The following TULP4 variants were observed in gnomAD, a reference collection of about 807,000 sequenced individuals.
The protein encoded by TULP4 is tubby-related protein 4.
TULP4 carries 16 observed loss-of-function variants against 129.0 expected under a neutral mutation model. That is an observed-to-expected ratio of 0.12 (90% CI 0.08 to 0.19). TULP4 has a LOEUF of 0.19. Among genes scored for constraint, TULP4 ranks in the 10% least tolerant of loss-of-function variants. TULP4 has a pLI of 1.00. For missense variants in TULP4, 1,842 were observed against 2,059.1 expected (o/e 0.89, Z 2.04); for synonymous variants, 998 against 854.0 (o/e 1.17, Z -2.94).
At chr6:158,249,247 T>C (rs1778092630) in intron 1 of TULP4, among the ~76,000 whole-genome samples, 1 of 152,152 alleles carries the variant, frequency 6.6e-6, no homozygotes. Flanking sequence ...AGAAACTCAG[T>C]CTTATGTTTC....
At chr6:158,279,682 T>TGAC (rs899003786), upstream of TULP4, among the ~76,000 whole-genome samples, 1 of 152,232 alleles carries the variant, frequency 6.6e-6, no homozygotes, top group African/African-American at 2.4e-5. Context: ...GCCAGCCATT[T>TGAC]GACGATAGCG....
chr6:158,241,362 C>T (rs1416238359), intron 1 of TULP4, among the ~76,000 whole-genome samples: 3 of 134,984 alleles, frequency 2.2e-5, no homozygotes. Context: ...GCAGAGGCTG[C>T]AATCTCGGCA....
chr6:158,269,837 C>T (rs1253862568), intron 1 of TULP4, among the ~76,000 whole-genome samples: 1 of 152,308 alleles, frequency 6.6e-6, no homozygotes, highest in African/African-American at 2.4e-5. Context: ...AAAAGTTACC[C>T]AGTCAGGTGG....
chr6:158,261,507 G>C (rs4710168), intron 1 of TULP4, among the ~76,000 whole-genome samples: 49,986 of 152,068 alleles, frequency 0.33, 9,206 homozygotes, highest in Admixed American at 0.45. Flanking sequence ...TTGGGACCTG[G>C]TAAATGTCTT....
chr6:158,259,047 T>C (rs1292897211), intron 1 of TULP4, among the ~76,000 whole-genome samples: 1 of 152,112 alleles, frequency 6.6e-6, no homozygotes, highest in Non-Finnish European at 1.5e-5. Context: ...CTGGCCAATA[T>C]GGTGAAACCC....
chr6:158,445,465 G>A (rs868557019), intron 3 of TULP4, among the ~76,000 whole-genome samples: 1 of 152,200 alleles, frequency 6.6e-6, no homozygotes, highest in South Asian at 2.1e-4. Context: ...GGACAGAAAT[G>A]TATTTATATT....
chr6:158,449,406 C>T (rs1359992887), intron 4 of TULP4, among the ~76,000 whole-genome samples: 1 of 152,168 alleles, frequency 6.6e-6, no homozygotes, highest in Non-Finnish European at 1.5e-5. Flanking sequence ...GAATTGATTA[C>T]ACTTAATTCG....
chr6:158,415,459 C>G (rs1394907189), intron 2 of TULP4, among the ~76,000 whole-genome samples: 1 of 150,904 alleles, frequency 6.6e-6, no homozygotes, highest in Non-Finnish European at 1.5e-5. Context: ...ACGCCATTCT[C>G]CTGCTTCAGC....
intron 2 of TULP4, among the ~76,000 whole-genome samples, chr6:158,414,821 T>G (rs1008413851): frequency 2.6e-5 from 4 of 152,232 alleles, no homozygotes; most frequent in Non-Finnish European, 2.9e-5. Flanking sequence ...AAATGAGTGC[T>G]TGATTTTTTC....
intron 1 of TULP4, among the ~76,000 whole-genome samples, chr6:158,359,044 G>A (rs529160723): frequency 6.6e-6 from 1 of 152,242 alleles, no homozygotes; most frequent in South Asian, 2.1e-4. Flanking sequence ...TTCACTACAT[G>A]TTCTTTTATA....
chr6:158,388,992 T>G (rs1252491118), intron 1 of TULP4, among the ~76,000 whole-genome samples: 1 of 152,222 alleles, frequency 6.6e-6, no homozygotes, highest in African/African-American at 2.4e-5. Context: ...TCTCTCTGAT[T>G]CCTTGTCTGA....
At chr6:158,363,201 GCTGTGT>G (rs1251501245) in intron 1 of TULP4, among the ~76,000 whole-genome samples, 3 of 152,060 alleles carry the variant, frequency 2.0e-5, no homozygotes, top group Admixed American at 2.0e-4. Context: ...TCTCTTGCTG[GCTGTGT>G]GTACAGTGTT....
rs1396395210 is a variant in TULP4 at position 158,239,187 on chromosome 6, A to AC, written n.68+6892dup. Among the ~76,000 whole-genome samples, 53 of 69,494 alleles carry AC rather than the reference A, an allele frequency of 7.6e-4. 6 individuals are homozygous for AC. The highest frequency in any genetic ancestry group is 1.8e-3 in the African/African-American group (32 of 17,722). The allele number at this position is 69,494 out of a possible 152,430, so 45.6% of individuals were successfully genotyped here. A position where few individuals can be genotyped will look rare whatever the true frequency, so the allele number is the denominator to read the frequency against. On this transcript the variant is annotated intron_variant and non_coding_transcript_variant, in intron 1 of 1. Coordinates refer to the TULP4 transcript ENST00000620026. ...AGGCGGCTGGCCGGGCGGGGGGCTG[A>AC]CCCCCCCCACCTCCCTCCCGGACGG...
chr6:158,291,399 G>A (rs1349365317), intron 1 of TULP4, among the ~76,000 whole-genome samples: 1 of 152,154 alleles, frequency 6.6e-6, no homozygotes, highest in African/African-American at 2.4e-5. Context: ...CTGTTGAGAT[G>A]TCTCTGTCAT....
intron 9 of TULP4, among the ~76,000 whole-genome samples, chr6:158,490,016 TTA>T (rs1163129520): frequency 6.6e-6 from 1 of 152,310 alleles, no homozygotes; most frequent in East Asian, 1.9e-4. Flanking sequence ...GTTCCCGGGC[TTA>T]TATGTTTTTT....
intron 1 of TULP4, among the ~76,000 whole-genome samples, chr6:158,345,364 T>G (rs1009907083): frequency 2.0e-5 from 3 of 152,228 alleles, no homozygotes; most frequent in African/African-American, 7.2e-5. Context: ...ACTCCTGGCC[T>G]CAGGCTATCC....
chr6:158,267,587 A>G (rs1332989085), intron 1 of TULP4, among the ~76,000 whole-genome samples: 2 of 152,224 alleles, frequency 1.3e-5, no homozygotes, highest in Non-Finnish European at 2.9e-5. Flanking sequence ...GTTAGCAGCC[A>G]TCTCATAGTA....
rs1466268820 is a variant in TULP4 at position 158,507,457 on chromosome 6, C to T, written c.*763C>T. The T allele has an allele frequency of 1.3e-5, 2 of 152,254 alleles. No homozygotes were observed. Among genetic ancestry groups the T allele is most frequent in the Non-Finnish European group, 2.9e-5 (2 of 68,054 alleles). The allele number at this position is 152,254 out of a possible 1,614,324, so 9.4% of individuals were successfully genotyped here. A position where few individuals can be genotyped will look rare whatever the true frequency, so the allele number is the denominator to read the frequency against. ...TACACTCCTCTGCTGAGGATGTCTA[C>T]ATTGAAAGCCTCCACTAGTTTCATC... On this transcript the variant is annotated 3_prime_UTR_variant, in exon 14 of 14. Coordinates refer to ENST00000367097, the MANE Select transcript of TULP4 (RefSeq NM_020245.5).
At chr6:158,380,813 G>C (rs1386201616) in intron 1 of TULP4, among the ~76,000 whole-genome samples, 1 of 149,536 alleles carries the variant, frequency 6.7e-6, no homozygotes, top group East Asian at 2.0e-4. Flanking sequence ...AGAATTACTG[G>C]AACCCAGGAG....
Sources: gnomAD v4.1 joint callset for allele counts (sites outside exome capture counted in the v4.1 genomes callset) on GRCh38, gnomAD v4.1.1 for gene constraint, MANE v1.5 for transcripts, NCBI Gene and HGNC (gene_info 2026-07-23, HGNC 2026-07-21) for gene names.